The following GABRG3 variants were observed in gnomAD, a reference collection of about 807,000 sequenced individuals.
GABRG3 encodes the protein gamma-aminobutyric acid receptor subunit gamma-3.
GABRG3 carries 25 observed loss-of-function variants against 48.8 expected under a neutral mutation model. That is an observed-to-expected ratio of 0.51 (90% CI 0.37 to 0.72). The LOEUF is 0.72. Ranked by LOEUF, GABRG3 falls within the 30% of genes least tolerant of loss-of-function variation. The probability of loss-of-function intolerance (pLI) is 0.00; values close to 1 mark genes in which losing one functional copy is unlikely to be tolerated. For synonymous variants in GABRG3, 227 were observed against 217.6 expected (o/e 1.04, Z -0.38); for missense variants, 394 against 577.9 (o/e 0.68, Z 3.26).
chr15:26,976,579 T>C lies in GABRG3; in HGVS notation c.54-423T>C, dbSNP rs1226630003. On this transcript the variant is annotated intron_variant, in intron 1 of 9. Coordinates refer to ENST00000615808, the MANE Select transcript of GABRG3 (RefSeq NM_033223.5). This position sits in a 1 kb window ranked among gnomAD's most constrained non-coding sequence, Gnocchi z 7.8. Reference sequence around the variant, plus strand: ...AAGCTAATCTCACCTTCAACGAAAATGAGGTCTTGGTGGTCAGGGTGGAAA... The same window carrying C: ...AAGCTAATCTCACCTTCAACGAAAACGAGGTCTTGGTGGTCAGGGTGGAAA... Among the ~76,000 whole-genome samples, 9 of 151,970 alleles carry C rather than the reference T, an allele frequency of 5.9e-5. No homozygotes were observed. The highest frequency in any genetic ancestry group is 2.6e-4 in the Admixed American group (4 of 15,260).
At chr15:27,166,734 A>C (rs1057233738) in intron 3 of GABRG3, among the ~76,000 whole-genome samples, 1 of 152,204 alleles carries the variant, frequency 6.6e-6, no homozygotes, top group African/African-American at 2.4e-5. Context: ...ACTTATTATT[A>C]CAAATAGATT....
At chr15:27,112,390 C>A (rs2140371273) in intron 3 of GABRG3, among the ~76,000 whole-genome samples, 1 of 150,664 alleles carries the variant, frequency 6.6e-6, no homozygotes, top group South Asian at 2.1e-4. Context: ...TCTTTAATTT[C>A]TTTTTTATTT....
chr15:27,026,457 G>A (rs1011807225), intron 2 of GABRG3, among the ~76,000 whole-genome samples: 3 of 152,202 alleles, frequency 2.0e-5, no homozygotes, highest in Non-Finnish European at 4.4e-5. Context: ...CTTAAGTAAC[G>A]TTACGGTATA....
intron 2 of GABRG3, among the ~76,000 whole-genome samples, chr15:27,008,614 C>A (rs982897087): frequency 6.6e-6 from 1 of 151,338 alleles, no homozygotes. Context: ...TATTGCTTGT[C>A]TAAATATCAG....
intron 5 of GABRG3, among the ~76,000 whole-genome samples, chr15:27,441,759 G>A (rs1010008427): frequency 6.6e-6 from 1 of 152,020 alleles, no homozygotes; most frequent in South Asian, 2.1e-4. Flanking sequence ...GACCTCCTGG[G>A]GAGAAGCAGG....
chr15:27,178,416 G>A (rs1378101), intron 3 of GABRG3, among the ~76,000 whole-genome samples: 10,760 of 152,174 alleles, frequency 0.071, 774 homozygotes, highest in African/African-American at 0.17. Flanking sequence ...GCATATCACA[G>A]GTTCTCCAAA....
At chr15:27,087,801 G>A (rs1897104394) in intron 3 of GABRG3, among the ~76,000 whole-genome samples, 1 of 150,464 alleles carries the variant, frequency 6.6e-6, no homozygotes. Context: ...TGAATGTGAT[G>A]TGTGTATATG....
chr15:27,209,327 GCT>G (rs1491315367), intron 3 of GABRG3, among the ~76,000 whole-genome samples: 2 of 149,438 alleles, frequency 1.3e-5, no homozygotes, highest in African/African-American at 2.5e-5. Context: ...ACTGGGAAAT[GCT>G]CTTTCTTTCT....
rs908684016 is a variant in GABRG3 at position 27,537,022 on chromosome 15, CA to C, written c.*4144del. The C allele has an allele frequency of 3.3e-5, 5 of 150,584 alleles. No homozygotes were observed. The highest frequency in any genetic ancestry group is 1.2e-4 in the African/African-American group (5 of 40,982). The allele number at this position is 150,584 out of a possible 1,614,324, so 9.3% of individuals were successfully genotyped here. A position where few individuals can be genotyped will look rare whatever the true frequency, so the allele number is the denominator to read the frequency against. On this transcript the variant is annotated 3_prime_UTR_variant, in exon 10 of 10. Coordinates refer to ENST00000615808, the MANE Select transcript of GABRG3 (RefSeq NM_033223.5). ...GTATCGGTTCAGTGCTCTCAAGGCA[CA>C]AAGCACTTGGAATTCACTCCATGAT...
chr15:27,133,539 A>T lies in GABRG3; in HGVS notation c.270+106718A>T, dbSNP rs571977079. ...TTTCCCTTTCCTTTTTTTCTGTTTTATGCATTTCTACCTTTGAAACAGGCT... is the reference window on the plus strand; with the variant it reads ...TTTCCCTTTCCTTTTTTTCTGTTTTTTGCATTTCTACCTTTGAAACAGGCT... On this transcript the variant is annotated intron_variant, in intron 3 of 9. Coordinates refer to ENST00000615808, the MANE Select transcript of GABRG3 (RefSeq NM_033223.5). Among the ~76,000 whole-genome samples, 8 of 152,156 alleles carry T rather than the reference A, an allele frequency of 5.3e-5. No individual in the cohort carries two copies. In the East Asian group the frequency reaches 1.5e-3, roughly 29 times the overall value.
intron 6 of GABRG3, among the ~76,000 whole-genome samples, chr15:27,501,671 G>A (rs1890644021): frequency 6.6e-6 from 1 of 152,054 alleles, no homozygotes; most frequent in African/African-American, 2.4e-5. Flanking sequence ...TTATACAAAG[G>A]AAAATATGCT....
chr15:27,367,766 T>C (rs1420245835), intron 5 of GABRG3, among the ~76,000 whole-genome samples: 1 of 152,196 alleles, frequency 6.6e-6, no homozygotes, highest in Admixed American at 6.5e-5. Context: ...AATTATAATA[T>C]CTATTCTGTG....
At chr15:27,156,640 T>C (rs1898436439) in intron 3 of GABRG3, among the ~76,000 whole-genome samples, 1 of 152,228 alleles carries the variant, frequency 6.6e-6, no homozygotes, top group East Asian at 1.9e-4. Flanking sequence ...AGTATGTCTC[T>C]TCCATCTTAC....
intron 5 of GABRG3, among the ~76,000 whole-genome samples, chr15:27,449,009 G>A (rs1420010009): frequency 6.6e-6 from 1 of 152,162 alleles, no homozygotes; most frequent in Non-Finnish European, 1.5e-5. Flanking sequence ...GTGTAATAGT[G>A]TATTGGAATC....
chr15:27,527,647 A>G lies in GABRG3; in HGVS notation c.1062+18A>G. ...CAACATCGGTGAGCTGCAGTAGCAA[A>G]GGTTCTCCGGGAGGTAATGGGGGCG... On this transcript the variant is annotated intron_variant, in intron 8 of 9. Transcript: ENST00000615808. The G allele has an allele frequency of 6.3e-7, 1 of 1,588,500 alleles. No individual in the cohort carries two copies. The highest frequency in any genetic ancestry group is 8.6e-7 in the Non-Finnish European group (1 of 1,166,058).
chr15:26,992,891 T>G lies in GABRG3; in HGVS notation c.202+15741T>G, dbSNP rs1895274129. ...TATTATGGCTTTGATCTTATTACTT[T>G]TTATTGGTCTGTTCAGGTTTTGGAT... On this transcript the variant is annotated intron_variant, in intron 2 of 9. Transcript: ENST00000615808. 1.3e-5 allele frequency among the ~76,000 whole-genome samples: 2 copies of G among 152,098 alleles called. 1 individual carries two copies. Among genetic ancestry groups the G allele is most frequent in the Non-Finnish European group, 2.9e-5 (2 of 67,970 alleles).
chr15:27,056,372 A>G (rs1896547401), intron 3 of GABRG3, among the ~76,000 whole-genome samples: 1 of 148,080 alleles, frequency 6.8e-6, no homozygotes, highest in Admixed American at 6.7e-5. Flanking sequence ...AAAAAAAAAA[A>G]AGAAAAGAAA....
Position 27,179,289 on chromosome 15 carries a change from A to G in GABRG3, c.271-147520A>G, listed in dbSNP as rs993724545. ...CGTGGCAATCCACCTTCCCCTCAGG[A>G]GCAGCTGTAACAATTTCCCACATGT... On this transcript the variant is annotated intron_variant, in intron 3 of 9. Transcript: ENST00000615808. This position sits in a 1 kb window ranked among gnomAD's most constrained non-coding sequence, Gnocchi z 4.0. Among the ~76,000 whole-genome samples, 2 of 152,160 alleles carry G rather than the reference A, an allele frequency of 1.3e-5. No homozygotes were observed. Among genetic ancestry groups the G allele is most frequent in the South Asian group, 2.1e-4 (1 of 4,828 alleles).
Position 27,092,922 on chromosome 15 carries a change from G to T in GABRG3, c.270+66101G>T, listed in dbSNP as rs1384153034. ...TCTCCTTGAGTTTTCACTAGACTTG[G>T]TCTGGTAGCTGAGTTTGTAGATTCC... On this transcript the variant is annotated intron_variant, in intron 3 of 9. Coordinates refer to ENST00000615808, the MANE Select transcript of GABRG3 (RefSeq NM_033223.5). Among the ~76,000 whole-genome samples, 6 of 151,796 alleles carry T rather than the reference G, an allele frequency of 4.0e-5. No homozygotes were observed. The East Asian group carries it at 5.9e-4, about 15-fold the overall frequency.
Sources: gnomAD v4.1 joint callset for allele counts (sites outside exome capture counted in the v4.1 genomes callset) on GRCh38, gnomAD v4.1.1 for gene constraint, Gnocchi (gnomAD v3.1) non-coding constraint, MANE v1.5 for transcripts, NCBI Gene and HGNC (gene_info 2026-07-23, HGNC 2026-07-21) for gene names.